The following LYPLAL1 variants were observed in gnomAD, a reference collection of about 807,000 sequenced individuals.
LYPLAL1 encodes lysophospholipase like 1.
A neutral mutation model predicts 19.7 loss-of-function variants in LYPLAL1; 23 were observed. That is an observed-to-expected ratio of 1.17 (90% confidence interval 0.84 to 1.65). The LOEUF (loss-of-function observed/expected upper bound fraction) is 1.65. Ranked by LOEUF, LYPLAL1 falls within the 40% of genes most tolerant of loss-of-function variation. The pLI, the probability that LYPLAL1 is intolerant of heterozygous loss-of-function variation, is 0.00. For missense variants in LYPLAL1, 355 were observed against 279.4 expected, an observed-to-expected ratio of 1.27 and a Z score of -1.93; for synonymous variants, 119 against 96.3, an observed-to-expected ratio of 1.24 and a Z score of -1.38.
the LYPLAL1 span, among the ~76,000 whole-genome samples, chr1:219,348,026 C>T: frequency 6.6e-6 from 1 of 152,194 alleles, no homozygotes; most frequent in Admixed American, 6.5e-5. Context: ...ATGTGGGTCT[C>T]CAAATAGACT....
chr1:219,241,122 C>CTA, the LYPLAL1 span, among the ~76,000 whole-genome samples: 1 of 94,990 alleles, frequency 1.1e-5, no homozygotes, highest in African/African-American at 3.6e-5. Context: ...CTCTCTCTCT[C>CTA]TCTCTCTCTC....
the LYPLAL1 span, among the ~76,000 whole-genome samples, chr1:219,315,627 T>C: frequency 1.3e-5 from 2 of 152,206 alleles, no homozygotes; most frequent in Non-Finnish European, 2.9e-5. Context: ...CAAACACAAT[T>C]TGAAAAATAG....
At chr1:219,431,942 T>C in the LYPLAL1 span, among the ~76,000 whole-genome samples, 1 of 152,134 alleles carries the variant, frequency 6.6e-6, no homozygotes, top group Non-Finnish European at 1.5e-5. Flanking sequence ...AGCAATACGA[T>C]TGAGGATTAA....
the LYPLAL1 span, among the ~76,000 whole-genome samples, chr1:219,420,849 A>T: frequency 6.6e-6 from 1 of 152,280 alleles, no homozygotes; most frequent in East Asian, 1.9e-4. Flanking sequence ...AGCTTCAGGG[A>T]TTACTTTTAA....
chr1:219,225,099 T>G, the LYPLAL1 span, among the ~76,000 whole-genome samples: 1 of 152,124 alleles, frequency 6.6e-6, no homozygotes, highest in Non-Finnish European at 1.5e-5. Context: ...GAGCTGCTAT[T>G]TCTATGGCTT....
chr1:219,195,352 T>A (rs776295948), intron 3 of LYPLAL1, among the ~76,000 whole-genome samples: 3 of 151,582 alleles, frequency 2.0e-5, no homozygotes, highest in African/African-American at 4.8e-5. Flanking sequence ...GAAACCAGTA[T>A]AATATAATGA....
At chr1:219,273,115 A>G in the LYPLAL1 span, 1 of 152,222 alleles carries the variant, frequency 6.6e-6, no homozygotes, top group East Asian at 1.9e-4. Context: ...AAATTTTTAT[A>G]TTTAATACCA....
the LYPLAL1 span, among the ~76,000 whole-genome samples, chr1:219,434,666 G>T: frequency 6.6e-6 from 1 of 152,186 alleles, no homozygotes; most frequent in Non-Finnish European, 1.5e-5. Context: ...TCTGAAGGCT[G>T]AATGATCAGC....
At chr1:219,263,640 C>T in the LYPLAL1 span, among the ~76,000 whole-genome samples, 2 of 152,098 alleles carry the variant, frequency 1.3e-5, no homozygotes, top group African/African-American at 2.4e-5. Flanking sequence ...CTCCAAGGAC[C>T]CCTGTGAGAT....
the LYPLAL1 span, among the ~76,000 whole-genome samples, chr1:219,408,634 G>T: frequency 4.6e-5 from 7 of 152,042 alleles, no homozygotes; most frequent in African/African-American, 2.4e-5. Context: ...GTGGTTCGAG[G>T]TGAGGGAGAT....
At chr1:219,229,444 C>A in the LYPLAL1 span, among the ~76,000 whole-genome samples, 1 of 152,106 alleles carries the variant, frequency 6.6e-6, no homozygotes, top group African/African-American at 2.4e-5. Context: ...TCTTCTGGCT[C>A]CCCCATCTGC....
At chr1:219,180,464 G>C (rs1656184639) in intron 2 of LYPLAL1, among the ~76,000 whole-genome samples, 1 of 152,056 alleles carries the variant, frequency 6.6e-6, no homozygotes, top group African/African-American at 2.4e-5. Flanking sequence ...GATAATGTAA[G>C]ACTGAAGACT....
chr1:219,238,116 T>C, the LYPLAL1 span, among the ~76,000 whole-genome samples: 1 of 142,244 alleles, frequency 7.0e-6, no homozygotes, highest in South Asian at 2.2e-4. Context: ...GCTTGGTGGA[T>C]CTAAACTTTT....
intron 3 of LYPLAL1, among the ~76,000 whole-genome samples, chr1:219,204,383 A>C (rs552303016): frequency 5.3e-5 from 8 of 152,206 alleles, no homozygotes; most frequent in Non-Finnish European, 1.2e-4. Flanking sequence ...AGTGTGCAGA[A>C]TATAAGCATT....
intron 3 of LYPLAL1, chr1:219,199,924 G>C (rs999309743): frequency 1.3e-5 from 3 of 231,160 alleles, no homozygotes; most frequent in Non-Finnish European, 2.8e-5. Flanking sequence ...CAGAGAAGGA[G>C]CCATCATCTT....
At chr1:219,262,448 CT>C in the LYPLAL1 span, among the ~76,000 whole-genome samples, 1 of 152,098 alleles carries the variant, frequency 6.6e-6, no homozygotes, top group African/African-American at 2.4e-5. Flanking sequence ...CTGGTTCCTT[CT>C]GATTTGGGTA....
chr1:219,278,454 G>A, the LYPLAL1 span, among the ~76,000 whole-genome samples: 1 of 152,130 alleles, frequency 6.6e-6, no homozygotes, highest in Non-Finnish European at 1.5e-5. Flanking sequence ...TGTATGTCCG[G>A]TTGTCTGGGA....
At chr1:219,221,870 C>T in the LYPLAL1 span, among the ~76,000 whole-genome samples, 1 of 152,152 alleles carries the variant, frequency 6.6e-6, no homozygotes, top group African/African-American at 2.4e-5. Context: ...CTTATACTTT[C>T]AGTAGTGGAA....
At chr1:219,192,488 G>A (rs568788878) in intron 2 of LYPLAL1, among the ~76,000 whole-genome samples, 6 of 151,588 alleles carry the variant, frequency 4.0e-5, no homozygotes, top group African/African-American at 1.5e-4. Context: ...ATTACGTGAG[G>A]AGAAAGCAGG....
Sources: gnomAD v4.1 joint callset for allele counts (sites outside exome capture counted in the v4.1 genomes callset) on GRCh38, gnomAD v4.1.1 for gene constraint, MANE v1.5 for transcripts, NCBI Gene and HGNC (gene_info 2026-07-23, HGNC 2026-07-21) for gene names.